FCER1G: variants seen among roughly 807,000 people sequenced by gnomAD.
The protein encoded by FCER1G is Fc epsilon receptor Ig, also known as high affinity immunoglobulin epsilon receptor subunit gamma.
A neutral mutation model predicts 17.3 loss-of-function variants in FCER1G; 7 were observed. The ratio of observed to expected loss-of-function variants is 0.40; its 90% CI spans 0.23 to 0.76. FCER1G has a LOEUF of 0.76. Among genes scored for constraint, FCER1G ranks in the 30% least tolerant of loss-of-function variants. The pLI is 0.35. For synonymous variants in FCER1G, 35 were observed against 38.7 expected (o/e 0.90, Z 0.35); for missense variants, 87 against 97.7 (o/e 0.89, Z 0.46).
At chr1:161,215,413 T>A in intron 1 of FCER1G, 43 bp downstream of exon 1, 7 of 1,583,646 alleles carry the variant, frequency 4.4e-6, no homozygotes, top group Non-Finnish European at 6.1e-6. Flanking sequence ...GGCTCCAGGG[T>A]GGAAGTCCAG....
intron 1 of FCER1G, 129 bp downstream of exon 1, chr1:161,215,499 G>C: frequency 1.2e-6 from 1 of 816,304 alleles, no homozygotes; most frequent in South Asian, 1.4e-5. Context: ...GGGAGACCCT[G>C]AGGCTAGTCC....
chr1:161,215,742 G>A (rs1248276613), intron 1 of FCER1G, among the ~76,000 whole-genome samples: 1 of 151,936 alleles, frequency 6.6e-6, no homozygotes, highest in East Asian at 1.9e-4. Context: ...ACAGGTGCCC[G>A]CCACCACGCC....
chr1:161,218,801 G>C (rs765791571), intron 4 of FCER1G, 78 bp downstream of exon 4: 6 of 1,586,404 alleles, frequency 3.8e-6, no homozygotes, highest in East Asian at 2.2e-5. Context: ...AAGGCCGGTG[G>C]GGGGAGGGGG....
At chr1:161,216,761 G>T (rs140693463) in intron 1 of FCER1G, among the ~76,000 whole-genome samples, 4 of 152,172 alleles carry the variant, frequency 2.6e-5, no homozygotes, top group African/African-American at 9.7e-5. Context: ...GCAGCTGGGT[G>T]TTGGGGAGGA....
At chr1:161,216,904 G>C (rs1331644903) in intron 1 of FCER1G, among the ~76,000 whole-genome samples, 1 of 152,188 alleles carries the variant, frequency 6.6e-6, no homozygotes, top group African/African-American at 2.4e-5. Flanking sequence ...GATGAGGAGG[G>C]AGGAGGCCCG....
In FCER1G at chr1:161,218,225, C is replaced by A. The variant is rs767392946; in HGVS notation, c.142-16C>A. On this transcript the variant is annotated splice_polypyrimidine_tract_variant and intron_variant, in intron 2 of 4. Transcript: ENST00000289902. The stretch of plus-strand genomic sequence containing the variant: ...CATTAACTTACCCTTTACTGATAAC[C>A]TTTCCCCCATTCCAGATCCAAGTGC... 1.7e-5 allele frequency: 27 copies of A among 1,612,656 alleles called. No homozygotes were observed. The highest frequency in any genetic ancestry group is 1.6e-4 in the Middle Eastern group (1 of 6,082).
rs557760626 is a variant in FCER1G at position 161,218,800 on chromosome 1, G to A, written c.198+77G>A. 10 of 1,582,284 alleles carry A rather than the reference G, an allele frequency of 6.3e-6. No homozygotes were observed. In the East Asian group the frequency reaches 2.0e-4, roughly 32 times the overall value. ...TTTGAGCGATCTTTGGAAGGCCGGT[G>A]GGGGGAGGGGGGTCCTGTGGAGGTG... On this transcript the variant is annotated intron_variant, in intron 4 of 4. Coordinates refer to ENST00000289902, the MANE Select transcript of FCER1G (RefSeq NM_004106.2).
intron 2 of FCER1G, 49 bp from the exon 3 acceptor site, chr1:161,218,192 G>A: frequency 6.3e-7 from 1 of 1,579,592 alleles, no homozygotes; most frequent in Non-Finnish European, 8.7e-7. Context: ...GAGGGAAGGG[G>A]GATGGGCCAT....
At chr1:161,216,427 T>G (rs2502803) in intron 1 of FCER1G, among the ~76,000 whole-genome samples, 69,872 of 135,536 alleles carry the variant, frequency 0.52, 19,129 homozygotes, top group East Asian at 0.83. Flanking sequence ...TATATATATA[T>G]AGAGAGAGAG....
rs777318975 is a variant in FCER1G at position 161,218,093 on chromosome 1, G to A, written c.141+16G>A. On this transcript the variant is annotated intron_variant, in intron 2 of 4. Coordinates refer to ENST00000289902, the MANE Select transcript of FCER1G (RefSeq NM_004106.2). ...TCGACTGAAGGTAGCGCTGGGCAGG[G>A]TGGGGTAAGGGCTGGAAGGGGAAGT... 5 of 1,600,424 alleles carry A rather than the reference G, an allele frequency of 3.1e-6. No homozygotes were observed. The highest frequency in any genetic ancestry group is 3.4e-6 in the Non-Finnish European group (4 of 1,167,576).
intron 1 of FCER1G, among the ~76,000 whole-genome samples, chr1:161,217,385 CTTT>C (rs748410818): frequency 3.2e-4 from 39 of 121,384 alleles, no homozygotes; most frequent in African/African-American, 8.9e-4. Flanking sequence ...AACAGACACA[CTTT>C]TTTTTTTTTT....
rs775459058 is a variant in FCER1G, at chr1:161,216,423, T to TAGAGAGAG, written c.49+1054_49+1055insGAGAGAGA. Among the ~76,000 whole-genome samples, 248 of 142,266 alleles carry TAGAGAGAG rather than the reference T, an allele frequency of 1.7e-3. 1 individual carries two copies. The highest frequency in any genetic ancestry group is 0.015 in the South Asian group (65 of 4,282). The allele number at this position is 142,266 out of a possible 152,430, so 93.3% of individuals were successfully genotyped here. A position where few individuals can be genotyped will look rare whatever the true frequency, so the allele number is the denominator to read the frequency against. On this transcript the variant is annotated intron_variant, in intron 1 of 4. Transcript: ENST00000289902. The stretch of plus-strand genomic sequence containing the variant: ...ACACACACACACACATATATATATA[T>TAGAGAGAG]ATATAGAGAGAGAGAGAGAGAGAGA...
chr1:161,216,425 T>TAGAGAGAGAG (rs747074278), intron 1 of FCER1G, among the ~76,000 whole-genome samples: 18 of 140,874 alleles, frequency 1.3e-4, no homozygotes, highest in African/African-American at 2.9e-4. Flanking sequence ...TATATATATA[T>TAGAGAGAGAG]ATAGAGAGAG....
At position 161,218,941 on chromosome 1, in the gene FCER1G, T is replaced by C; in HGVS notation, c.259T>C (p.Ter87GlnextTer2). The change falls in exon 5 of 5, where the codon TAG becomes CAG. Residue 87 changes from the stop codon to glutamine (Q), a stop_lost. Coordinates refer to ENST00000289902, the MANE Select transcript of FCER1G (RefSeq NM_004106.2). ...ETLKHEKPPQ* is the reference protein window; with the variant it reads ...ETLKHEKPPQQ Reference sequence around the variant, plus strand: ...TCTGAAGCATGAGAAACCACCACAGTAGCTTTAGAATAGATGCGGTCATAT... The same window carrying C: ...TCTGAAGCATGAGAAACCACCACAGCAGCTTTAGAATAGATGCGGTCATAT... 6.2e-7 allele frequency: 1 copy of C among 1,611,960 alleles called. No individual in the cohort carries two copies. Among genetic ancestry groups the C allele is most frequent in the Non-Finnish European group, 8.5e-7 (1 of 1,178,006 alleles).
chr1:161,216,664 G>A (rs1041743665), intron 1 of FCER1G, among the ~76,000 whole-genome samples: 2 of 152,140 alleles, frequency 1.3e-5, no homozygotes, highest in African/African-American at 4.8e-5. Context: ...GGTCTCTGAA[G>A]CTCTACAGCT....
chr1:161,218,966 T>C lies in FCER1G; in HGVS notation c.*23T>C. ...TAGCTTTAGAATAGATGCGGTCATA[T>C]TCTTCTTTGGCTTCTGGTTCTTCCA... On this transcript the variant is annotated 3_prime_UTR_variant, in exon 5 of 5. Transcript: ENST00000289902. 1 of 1,595,440 alleles carries C rather than the reference T, an allele frequency of 6.3e-7. No individual in the cohort carries two copies. The highest frequency in any genetic ancestry group is 1.3e-5 in the African/African-American group (1 of 74,658).
At position 161,217,593 on chromosome 1, in the gene FCER1G, C is replaced by T. The variant is rs185537071; in HGVS notation, c.50-393C>T. 5.3e-4 allele frequency among the ~76,000 whole-genome samples: 81 copies of T among 152,144 alleles called. 1 individual carries two copies. The highest frequency in any genetic ancestry group is 1.7e-3 in the African/African-American group (72 of 41,510). On this transcript the variant is annotated intron_variant, in intron 1 of 4. Coordinates refer to ENST00000289902, the MANE Select transcript of FCER1G (RefSeq NM_004106.2). ...TTTCTTCACTGAAATTTGCCACTAC[C>T]TCTCCCTCCCACTACCCATCTTGGC...
Position 161,218,694 on chromosome 1 carries a change from T to C in FCER1G, c.178-9T>C, listed in dbSNP as rs761340322. 23 of 1,614,020 alleles carry C rather than the reference T, an allele frequency of 1.4e-5. No homozygotes were observed. In the South Asian group the frequency reaches 1.9e-4, roughly 13 times the overall value. ...GGTCTTTAATGTTTTGCTTCTTTTG[T>C]CTCTGCAGAAATCAGATGGTGTTTA... On this transcript the variant is annotated splice_polypyrimidine_tract_variant and intron_variant, in intron 3 of 4. Coordinates refer to ENST00000289902, the MANE Select transcript of FCER1G (RefSeq NM_004106.2).
In FCER1G at chr1:161,218,255, G is replaced by A. The variant is rs1032958403; in HGVS notation, c.156G>A (p.Lys52=). Residue 52 remains lysine (K), a synonymous_variant, in exon 3 of 5, where the codon AAG becomes AAA. Coordinates refer to ENST00000289902, the MANE Select transcript of FCER1G (RefSeq NM_004106.2). ...CCCCATTCCAGATCCAAGTGCGAAA[G>A]GCAGCTATAACCAGCTATGAGGTAT... The part of the protein sequence containing the change: ...LYCRLKIQVR[K]AAITSYEKSD... 6.2e-7 allele frequency: 1 copy of A among 1,614,004 alleles called. No homozygotes were observed. The highest frequency in any genetic ancestry group is 8.5e-7 in the Non-Finnish European group (1 of 1,179,870).
Sources: allele counts gnomAD v4.1 joint callset (sites outside exome capture counted in the v4.1 genomes callset), GRCh38; gene constraint gnomAD v4.1.1; transcripts MANE v1.5; gene names NCBI Gene and HGNC (gene_info 2026-07-23, HGNC 2026-07-21).